NRG1: variants seen among roughly 807,000 people sequenced by gnomAD.
NRG1 encodes the protein pro-neuregulin-1, membrane-bound isoform.
In NRG1, 18 loss-of-function variants were observed where a neutral mutation model predicts 63.8. The observed-to-expected ratio is 0.28, with a 90% confidence interval of 0.19 to 0.42. NRG1 has a LOEUF of 0.42. Ranked by LOEUF, NRG1 falls within the 10% of genes least tolerant of loss-of-function variation. The probability of loss-of-function intolerance (pLI) is 1.00; values close to 1 mark genes in which losing one functional copy is unlikely to be tolerated. For synonymous variants in NRG1, 302 were observed against 301.3 expected, an observed-to-expected ratio of 1.00 and a Z score of -0.02; for missense variants, 762 against 814.7, an observed-to-expected ratio of 0.94 and a Z score of 0.79.
chr8:31,744,611 T>G (rs1815666334), intron 1 of NRG1, among the ~76,000 whole-genome samples: 1 of 151,938 alleles, frequency 6.6e-6, no homozygotes, highest in African/African-American at 2.4e-5. Context: ...TTAAGGATCT[T>G]GATGCCTCAG....
At chr8:32,687,568 G>A (rs1265567335) in intron 5 of NRG1, among the ~76,000 whole-genome samples, 1 of 152,212 alleles carries the variant, frequency 6.6e-6, no homozygotes, top group African/African-American at 2.4e-5. Flanking sequence ...ACCATTAGCT[G>A]AGACCGTGCT....
intron 1 of NRG1, among the ~76,000 whole-genome samples, chr8:32,407,285 A>G (rs1349165710): frequency 4.4e-4 from 8 of 18,376 alleles, no homozygotes; most frequent in African/African-American, 9.2e-4. Context: ...TTATATATAT[A>G]TATATATATT....
At chr8:32,465,619 G>A (rs1328059988) in intron 1 of NRG1, among the ~76,000 whole-genome samples, 2 of 152,242 alleles carry the variant, frequency 1.3e-5, no homozygotes, top group East Asian at 3.9e-4. Flanking sequence ...CTGGCAATAT[G>A]TATTAAAATT....
intron 1 of NRG1, among the ~76,000 whole-genome samples, chr8:31,861,586 G>T (rs578204418): frequency 6.6e-6 from 1 of 152,212 alleles, no homozygotes; most frequent in African/African-American, 2.4e-5. Flanking sequence ...CTGCTGCATT[G>T]CAGTCAGCTG....
At chr8:32,516,427 A>G (rs1829829944) in intron 1 of NRG1, among the ~76,000 whole-genome samples, 1 of 152,164 alleles carries the variant, frequency 6.6e-6, no homozygotes, top group Non-Finnish European at 1.5e-5. Flanking sequence ...TTTTGGATCC[A>G]TATGAATTTT....
chr8:32,346,226 T>A (rs1385564856), intron 1 of NRG1, among the ~76,000 whole-genome samples: 5 of 147,962 alleles, frequency 3.4e-5, no homozygotes, highest in African/African-American at 4.9e-5. Flanking sequence ...TATAGATGGA[T>A]AATTATATAT....
chr8:31,730,647 A>C (rs1813939618), intron 1 of NRG1, among the ~76,000 whole-genome samples: 2 of 152,142 alleles, frequency 1.3e-5, no homozygotes, highest in Admixed American at 1.3e-4. Context: ...TAAAAAACAA[A>C]GTATTAGAAG....
rs533546945 is a variant in NRG1 at position 32,369,249 on chromosome 8, A to G, written c.38-226579A>G. 1.3e-4 allele frequency among the ~76,000 whole-genome samples: 20 copies of G among 152,140 alleles called. 1 individual carries two copies. Among genetic ancestry groups the G allele is most frequent in the Non-Finnish European group, 2.9e-5 (2 of 68,010 alleles). ...GCCACGTTCTCTCTCCTTTCCTATT[A>G]CTGGAGAGCCGCTTCCTCTCTTCAC... On this transcript the variant is annotated intron_variant, in intron 1 of 10. Coordinates refer to the NRG1 transcript ENST00000519301.
In NRG1 at chr8:32,161,807, G is replaced by A. The variant is rs116037301; in HGVS notation, c.38-434021G>A. ...TACGTGGCTTCAAGGTCACGCTGAC[G>A]TTGTTCAGACAGTGTTCTGTTGGAA... On this transcript the variant is annotated intron_variant, in intron 1 of 10. Coordinates refer to the NRG1 transcript ENST00000519301. Among the ~76,000 whole-genome samples, 529 of 152,250 alleles carry A rather than the reference G, an allele frequency of 3.5e-3. 8 individuals carry two copies. The highest frequency in any genetic ancestry group is 0.012 in the African/African-American group (513 of 41,546).
At chr8:32,631,570 G>C (rs1850318712) in intron 5 of NRG1, among the ~76,000 whole-genome samples, 1 of 152,104 alleles carries the variant, frequency 6.6e-6, no homozygotes, top group Non-Finnish European at 1.5e-5. Context: ...TGTTAGTCAG[G>C]GTAAAAGAGT....
At chr8:32,395,754 C>G (rs1812362346) in intron 1 of NRG1, among the ~76,000 whole-genome samples, 1 of 152,012 alleles carries the variant, frequency 6.6e-6, no homozygotes, top group Admixed American at 6.6e-5. Flanking sequence ...TGTAGTTTAT[C>G]AAGTTTTTTC....
chr8:31,671,202 G>C (rs538899091), intron 1 of NRG1, among the ~76,000 whole-genome samples: 63 of 152,244 alleles, frequency 4.1e-4, no homozygotes, highest in South Asian at 1.2e-3. Flanking sequence ...GTTTTGAGAG[G>C]TGTTTTCTAC....
chr8:32,603,884 C>A (rs1190003960), intron 2 of NRG1, among the ~76,000 whole-genome samples: 3 of 152,148 alleles, frequency 2.0e-5, no homozygotes, highest in Non-Finnish European at 4.4e-5. Flanking sequence ...TTCCTCCCAA[C>A]CAGCCTTAGA....
chr8:32,647,839 C>A, intron 5 of NRG1: 1 of 1,613,974 alleles, frequency 6.2e-7, no homozygotes, highest in South Asian at 1.1e-5. Context: ...ATGCCAGAGC[C>A]CCAGACTGAA....
chr8:32,761,795 CT>C (rs1219576975), intron 11 of NRG1, among the ~76,000 whole-genome samples: 1 of 151,862 alleles, frequency 6.6e-6, no homozygotes, highest in African/African-American at 2.4e-5. Context: ...AATCCCAGCA[CT>C]TTGGGAGGCT....
intron 1 of NRG1, among the ~76,000 whole-genome samples, chr8:32,070,446 G>T (rs191136822): frequency 2.9e-4 from 44 of 152,280 alleles, no homozygotes; most frequent in Non-Finnish European, 5.6e-4. Context: ...TCAATAAGTA[G>T]CCATAATTGT....
At chr8:31,639,667 G>C in intron 1 of NRG1, 1 of 1,393,972 alleles carries the variant, frequency 7.2e-7, no homozygotes, top group South Asian at 1.6e-5. Flanking sequence ...GCTCGGGCGC[G>C]GCGGCGGCGC....
At chr8:32,315,556 T>G (rs1586783167) in intron 1 of NRG1, among the ~76,000 whole-genome samples, 1 of 152,354 alleles carries the variant, frequency 6.6e-6, no homozygotes, top group Non-Finnish European at 1.5e-5. Flanking sequence ...CTCACCGAAC[T>G]TTGCTTCACT....
intron 1 of NRG1, among the ~76,000 whole-genome samples, chr8:31,737,716 G>A (rs1277373661): frequency 6.6e-6 from 1 of 152,106 alleles, no homozygotes; most frequent in Non-Finnish European, 1.5e-5. Flanking sequence ...GTATGCTTTA[G>A]GTCAATTAGA....
Sources: gnomAD v4.1 joint callset for allele counts (sites outside exome capture counted in the v4.1 genomes callset) on GRCh38, gnomAD v4.1.1 for gene constraint, MANE v1.5 for transcripts, NCBI Gene and HGNC (gene_info 2026-07-23, HGNC 2026-07-21) for gene names.